The following SLC41A2 variants were observed in gnomAD, a reference collection of about 807,000 sequenced individuals.
SLC41A2 encodes solute carrier family 41 member 2.
In SLC41A2, 32 loss-of-function variants were observed where a neutral mutation model predicts 58.3. That is an observed-to-expected ratio of 0.55 (90% confidence interval 0.41 to 0.74). SLC41A2 has a LOEUF of 0.74. Among genes scored for constraint, SLC41A2 ranks in the 30% least tolerant of loss-of-function variants. The pLI is 0.00. For synonymous variants in SLC41A2, 190 were observed against 235.0 expected (o/e 0.81, Z 1.75); for missense variants, 514 against 680.6 (o/e 0.76, Z 2.72).
chr12:104,897,552 CTAA>C (rs112303305), intron 3 of SLC41A2, among the ~76,000 whole-genome samples: 1 of 151,844 alleles, frequency 6.6e-6, no homozygotes, highest in African/African-American at 2.4e-5. Context: ...GAGACCCTTT[CTAA>C]TCTAGAAGTC....
chr12:104,860,706 T>C (rs1393054032), intron 8 of SLC41A2, among the ~76,000 whole-genome samples: 4 of 152,048 alleles, frequency 2.6e-5, no homozygotes, highest in Non-Finnish European at 5.9e-5. Flanking sequence ...CCTGAGGACA[T>C]ACCTGGGACT....
Position 104,861,280 on chromosome 12 carries a change from C to G in SLC41A2, c.1255+11G>C. The G allele has an allele frequency of 1.3e-6, 2 of 1,586,576 alleles. No individual in the cohort carries two copies. The highest frequency in any genetic ancestry group is 1.7e-6 in the Non-Finnish European group (2 of 1,155,908). ...TTGATATTATCATGAAACAGTATAT[C>G]TAATTCTTACCATTAATAACTGGCG... On this transcript the variant is annotated intron_variant, in intron 8 of 10. Coordinates refer to ENST00000258538, the MANE Select transcript of SLC41A2 (RefSeq NM_001352171.3).
chr12:104,953,479 T>G (rs78119352), intron 1 of SLC41A2, among the ~76,000 whole-genome samples: 2,006 of 152,282 alleles, frequency 0.013, 54 homozygotes, highest in African/African-American at 0.046. Flanking sequence ...ATTGCTAGGA[T>G]AGGTATAAAG....
intron 4 of SLC41A2, among the ~76,000 whole-genome samples, chr12:104,893,482 G>C (rs537719874): frequency 6.6e-6 from 1 of 152,302 alleles, no homozygotes; most frequent in South Asian, 2.1e-4. Flanking sequence ...GCTACCATAT[G>C]ATCCAAAAAT....
intron 2 of SLC41A2, among the ~76,000 whole-genome samples, chr12:104,920,156 A>T (rs1565901811): frequency 1.3e-5 from 2 of 152,136 alleles, no homozygotes; most frequent in Non-Finnish European, 2.9e-5. Flanking sequence ...TAGGTTGTCC[A>T]TTCTGTGGCA....
chr12:104,838,918 C>G (rs2042307844), intron 10 of SLC41A2, among the ~76,000 whole-genome samples: 1 of 152,128 alleles, frequency 6.6e-6, no homozygotes, highest in Admixed American at 6.5e-5. Flanking sequence ...TGACAAAATC[C>G]TGATATTTAC....
At chr12:104,878,892 T>A (rs1386696912) in intron 6 of SLC41A2, among the ~76,000 whole-genome samples, 2 of 152,324 alleles carry the variant, frequency 1.3e-5, no homozygotes, top group Admixed American at 6.5e-5. Context: ...CGCCACACTG[T>A]CTTCCACAAT....
intron 2 of SLC41A2, among the ~76,000 whole-genome samples, chr12:104,914,068 A>G (rs2046206172): frequency 6.6e-6 from 1 of 152,204 alleles, no homozygotes; most frequent in African/African-American, 2.4e-5. Flanking sequence ...TCTCAAAAAA[A>G]AGAAAAAAAA....
intron 1 of SLC41A2, among the ~76,000 whole-genome samples, chr12:104,934,962 G>C (rs1328400220): frequency 1.3e-5 from 2 of 151,814 alleles, no homozygotes; most frequent in South Asian, 4.2e-4. Context: ...TTTTTTGTTT[G>C]TTTGTTTGTT....
intron 2 of SLC41A2, among the ~76,000 whole-genome samples, chr12:104,925,964 TTATC>T (rs1234327574): frequency 6.6e-6 from 1 of 152,214 alleles, no homozygotes; most frequent in Non-Finnish European, 1.5e-5. Context: ...TTTGGTATTA[TTATC>T]TATTTAAAAC....
chr12:104,851,243 T>C (rs1304419453), intron 8 of SLC41A2, among the ~76,000 whole-genome samples: 1 of 152,160 alleles, frequency 6.6e-6, no homozygotes, highest in African/African-American at 2.4e-5. Context: ...TAATTATAGA[T>C]CCTGACATTT....
rs1449837757 is a variant in SLC41A2, at chr12:104,892,305, ATAAAATAAAATAAAAT to A, written c.735+2953_735+2968del. ...AACAAGACCTCATCTCAAAAAAAAAATAAAATAAAATAAAATAAAATAAAATAAAATATTGATGCAA... is the reference window on the plus strand; with the variant it reads ...AACAAGACCTCATCTCAAAAAAAAAAAAAATAAAATAAAATATTGATGCAA... On this transcript the variant is annotated intron_variant, in intron 4 of 10. Coordinates refer to ENST00000258538, the MANE Select transcript of SLC41A2 (RefSeq NM_001352171.3). Among the ~76,000 whole-genome samples, 154 of 138,570 alleles carry A rather than the reference ATAAAATAAAATAAAAT, an allele frequency of 1.1e-3. 12 individuals carry two copies. Among genetic ancestry groups the A allele is most frequent in the African/African-American group, 4.6e-3 (152 of 32,952 alleles). The allele number at this position is 138,570 out of a possible 152,430, so 90.9% of individuals were successfully genotyped here. A position where few individuals can be genotyped will look rare whatever the true frequency, so the allele number is the denominator to read the frequency against.
chr12:104,901,542 T>TATTC (rs1447984829), intron 3 of SLC41A2, among the ~76,000 whole-genome samples: 2 of 151,292 alleles, frequency 1.3e-5, no homozygotes, highest in Non-Finnish European at 3.0e-5. Flanking sequence ...AACCTATTTT[T>TATTC]ATTTATTTAT....
Position 104,818,881 on chromosome 12 carries a change from T to A in SLC41A2, c.1537-13544A>T, listed in dbSNP as rs540922691. Among the ~76,000 whole-genome samples, 86 of 151,436 alleles carry A rather than the reference T, an allele frequency of 5.7e-4. 1 individual carries two copies. Among genetic ancestry groups the A allele is most frequent in the South Asian group, 1.9e-3 (9 of 4,786 alleles). ...GACAGGGCAAGACTCCATCTCAAAA[T>A]AAATAAATAAATAAATAAATAAAAT... On this transcript the variant is annotated intron_variant, in intron 10 of 10. Coordinates refer to ENST00000258538, the MANE Select transcript of SLC41A2 (RefSeq NM_001352171.3).
chr12:104,942,024 A>G (rs1013202792), intron 1 of SLC41A2, among the ~76,000 whole-genome samples: 7 of 152,214 alleles, frequency 4.6e-5, no homozygotes, highest in African/African-American at 1.7e-4. Context: ...CAGTAGATGG[A>G]TGGCAAACAA....
At chr12:104,890,046 A>T (rs1356632925) in intron 4 of SLC41A2, among the ~76,000 whole-genome samples, 1 of 152,120 alleles carries the variant, frequency 6.6e-6, no homozygotes, top group Admixed American at 6.6e-5. Context: ...TCCTTTGACA[A>T]TCTGGTAAAA....
intron 10 of SLC41A2, among the ~76,000 whole-genome samples, chr12:104,811,021 A>G (rs1455036676): frequency 2.0e-5 from 3 of 152,226 alleles, no homozygotes; most frequent in Admixed American, 2.0e-4. Context: ...GTATCTCCTT[A>G]GTTCAGCAAT....
chr12:104,866,401 C>T (rs770786647), intron 7 of SLC41A2, 31 bp downstream of exon 7: 71 of 1,592,894 alleles, frequency 4.5e-5, no homozygotes, highest in Non-Finnish European at 6.0e-5. Context: ...CACACACACA[C>T]ACACACACAC....
At chr12:104,948,108 A>G (rs1409748174) in intron 1 of SLC41A2, among the ~76,000 whole-genome samples, 1 of 152,236 alleles carries the variant, frequency 6.6e-6, no homozygotes. Context: ...AGGCTAATGT[A>G]GTAGATATAA....
Sources: allele counts gnomAD v4.1 joint callset (sites outside exome capture counted in the v4.1 genomes callset), GRCh38; gene constraint gnomAD v4.1.1; transcripts MANE v1.5; gene names NCBI Gene and HGNC (gene_info 2026-07-23, HGNC 2026-07-21).